The following MGST1 variants were observed in gnomAD, a reference collection of about 807,000 sequenced individuals.
MGST1 encodes microsomal glutathione S-transferase 1.
Under a neutral mutation model 8.9 loss-of-function variants are expected in MGST1, and 5 were observed. The ratio of observed to expected loss-of-function variants is 0.56; its 90% CI spans 0.29 to 1.19. The LOEUF is 1.19. MGST1 is among the 50% of genes most tolerant of loss of function. The pLI, the probability that MGST1 is intolerant of heterozygous loss-of-function variation, is 0.08. For missense variants in MGST1, 182 were observed against 187.4 expected (o/e 0.97, Z 0.17); for synonymous variants, 54 against 67.8 (o/e 0.80, Z 1.00).
rs1245313676 is a variant in MGST1, at chr12:16,561,502, G to T, written n.483-28026G>T. Among the ~76,000 whole-genome samples, 3 of 152,142 alleles carry T rather than the reference G, an allele frequency of 2.0e-5. No homozygotes were observed. In the South Asian group the frequency reaches 6.2e-4, roughly 32 times the overall value. ...AAAATATAATGGCTCTCATGGGAAA[G>T]ACCAAATTAAAAGCAGTTCTAAACT... On this transcript the variant is annotated intron_variant and non_coding_transcript_variant, in intron 4 of 4. Transcript: ENST00000538857.
chr12:16,355,679 G>T (rs1939687477), intron 2 of MGST1, among the ~76,000 whole-genome samples: 2 of 152,142 alleles, frequency 1.3e-5, no homozygotes, highest in African/African-American at 4.8e-5. Flanking sequence ...AAAGATGAAG[G>T]GAATTCAAAT....
intron 4 of MGST1, among the ~76,000 whole-genome samples, chr12:16,575,024 C>G (rs1326650911): frequency 6.6e-6 from 1 of 152,086 alleles, no homozygotes; most frequent in East Asian, 1.9e-4. Context: ...AAGAAACAAA[C>G]ACAAAACACA....
chr12:16,473,073 C>T (rs1941298467), intron 4 of MGST1, among the ~76,000 whole-genome samples: 1 of 152,130 alleles, frequency 6.6e-6, no homozygotes, highest in Admixed American at 6.6e-5. Flanking sequence ...AGATTTTATC[C>T]ATAATGCGAC....
chr12:16,510,625 A>AT (rs1941570867), intron 4 of MGST1, among the ~76,000 whole-genome samples: 1 of 152,232 alleles, frequency 6.6e-6, no homozygotes, highest in Non-Finnish European at 1.5e-5. Context: ...TGTGAATAGT[A>AT]TAAGTTTCTC....
intron 4 of MGST1, among the ~76,000 whole-genome samples, chr12:16,474,451 G>T (rs964270655): frequency 1.3e-5 from 2 of 152,126 alleles, no homozygotes; most frequent in African/African-American, 4.8e-5. Flanking sequence ...ATTCAATTTT[G>T]CCAAGACTCT....
chr12:16,528,686 A>G (rs1213581638), intron 4 of MGST1, among the ~76,000 whole-genome samples: 1 of 152,060 alleles, frequency 6.6e-6, no homozygotes, highest in Non-Finnish European at 1.5e-5. Context: ...TGCTAGCACT[A>G]CATTCTAGAC....
At chr12:16,459,186 T>A (rs928883438) in intron 4 of MGST1, among the ~76,000 whole-genome samples, 1 of 152,138 alleles carries the variant, frequency 6.6e-6, no homozygotes, top group African/African-American at 2.4e-5. Context: ...ACTTCCTTTC[T>A]ACTTCCTAAT....
downstream of MGST1, among the ~76,000 whole-genome samples, chr12:16,443,490 T>C (rs1458135081): frequency 1.3e-5 from 2 of 151,830 alleles, no homozygotes; most frequent in Non-Finnish European, 2.9e-5. Context: ...CTCTATTAGC[T>C]CTTTTTTTGT....
chr12:16,555,766 C>T lies in MGST1; in HGVS notation n.483-33762C>T, dbSNP rs1942168179. Among the ~76,000 whole-genome samples the T allele has an allele frequency of 6.6e-6, 1 of 152,182 alleles. No individual in the cohort carries two copies. The highest frequency in any genetic ancestry group is 1.5e-5 in the Non-Finnish European group (1 of 68,034). On this transcript the variant is annotated intron_variant and non_coding_transcript_variant, in intron 4 of 4. Coordinates refer to the MGST1 transcript ENST00000538857. This position sits in a 1 kb window ranked among gnomAD's most constrained non-coding sequence, Gnocchi z 5.5. The stretch of plus-strand genomic sequence containing the variant: ...AACACGTCAAATGCTTTCACATCTG[C>T]ATGCCTTTGCACGTTGCTCAATTTG...
chr12:16,563,088 A>C (rs1465344660), intron 4 of MGST1, among the ~76,000 whole-genome samples: 1 of 152,086 alleles, frequency 6.6e-6, no homozygotes, highest in African/African-American at 2.4e-5. Context: ...ATCAGTTTCC[A>C]TCTACACCTG....
At chr12:16,376,062 A>G (rs1192302631) in intron 3 of MGST1, 2 of 1,156,052 alleles carry the variant, frequency 1.7e-6, no homozygotes, top group Non-Finnish European at 2.4e-6. Flanking sequence ...TTATGTGTTC[A>G]CGTGTGTGTA....
At chr12:16,419,185 C>A (rs140965537) in intron 1 of MGST1, among the ~76,000 whole-genome samples, 1 of 152,280 alleles carries the variant, frequency 6.6e-6, no homozygotes, top group African/African-American at 2.4e-5. Context: ...TGTTAGGGAT[C>A]TAACCATGAA....
chr12:16,501,378 C>T (rs928890852), intron 4 of MGST1, among the ~76,000 whole-genome samples: 1 of 152,144 alleles, frequency 6.6e-6, no homozygotes, highest in South Asian at 2.1e-4. Context: ...AACAGATTCT[C>T]GTTACATAAA....
chr12:16,527,387 AAC>A (rs1742630164), intron 4 of MGST1, among the ~76,000 whole-genome samples: 4 of 152,046 alleles, frequency 2.6e-5, no homozygotes, highest in Admixed American at 1.3e-4. Context: ...GTCTTACACT[AAC>A]ATCATATTTT....
chr12:16,354,414 A>G (rs1206499663), intron 2 of MGST1, 36 bp downstream of exon 2: 2 of 1,575,836 alleles, frequency 1.3e-6, no homozygotes, highest in East Asian at 4.5e-5. Context: ...CTTACTTTTA[A>G]GAGTTGGAAT....
chr12:16,426,466 C>A (rs886592318), intron 1 of MGST1, among the ~76,000 whole-genome samples: 6 of 152,112 alleles, frequency 3.9e-5, no homozygotes, highest in African/African-American at 1.4e-4. Flanking sequence ...CCCTTTAAAC[C>A]AAATAAGTTT....
chr12:16,497,624 A>G lies in MGST1; in HGVS notation n.483-91904A>G, dbSNP rs372047483. ...TGTTTTCTGAATTTATAGAAAAGGG[A>G]GTTTTAACTAGGTCGTGGGCCAAAT... On this transcript the variant is annotated intron_variant and non_coding_transcript_variant, in intron 4 of 4. Transcript: ENST00000538857. This position sits in a 1 kb window ranked among gnomAD's most constrained non-coding sequence, Gnocchi z 4.4. Among the ~76,000 whole-genome samples, 1 of 152,128 alleles carries G rather than the reference A, an allele frequency of 6.6e-6. No individual in the cohort carries two copies. Among genetic ancestry groups the G allele is most frequent in the African/African-American group, 2.4e-5 (1 of 41,444 alleles).
rs1163180058 is a variant in MGST1 at position 16,361,429 on chromosome 12, G to A, written c.222-2366G>A. On this transcript the variant is annotated intron_variant, in intron 3 of 3. Coordinates refer to ENST00000396210, the MANE Select transcript of MGST1 (RefSeq NM_020300.5). This position sits in a 1 kb window ranked among gnomAD's most constrained non-coding sequence, Gnocchi z 4.2. ...TATGCCAGGGCATGTGTGTCCAAAG[G>A]AGAAAGAAGAATGGGAAAATGTAAT... 3.3e-5 allele frequency among the ~76,000 whole-genome samples: 5 copies of A among 152,216 alleles called. No individual in the cohort carries two copies. In the East Asian group the frequency reaches 5.8e-4, roughly 18 times the overall value.
chr12:16,533,940 C>A (rs1941738730), intron 4 of MGST1, among the ~76,000 whole-genome samples: 1 of 152,066 alleles, frequency 6.6e-6, no homozygotes, highest in Admixed American at 6.6e-5. Context: ...TAGGTAGGAA[C>A]AGGAGGCATC....
Sources: allele counts gnomAD v4.1 joint callset (sites outside exome capture counted in the v4.1 genomes callset), GRCh38; gene constraint gnomAD v4.1.1; non-coding constraint Gnocchi (gnomAD v3.1); transcripts MANE v1.5; gene names NCBI Gene and HGNC (gene_info 2026-07-23, HGNC 2026-07-21).